ZNF253: variants seen among roughly 807,000 people sequenced by gnomAD.
ZNF253 encodes the protein zinc finger protein 253.
In ZNF253, 8 loss-of-function variants were observed where a neutral mutation model predicts 11.9. That is an observed-to-expected ratio of 0.67 (90% CI 0.40 to 1.22). The LOEUF (loss-of-function observed/expected upper bound fraction) is 1.22, where lower values mean the gene tolerates loss of function less well. Among genes scored for constraint, ZNF253 ranks in the 50% most tolerant of loss-of-function variants. The pLI, the probability that ZNF253 is intolerant of heterozygous loss-of-function variation, is 0.01. For synonymous variants in ZNF253, 194 were observed against 194.9 expected (o/e 1.00, Z 0.04); for missense variants, 485 against 586.9 (o/e 0.83, Z 1.79).
rs1568492536 is a variant in ZNF253 at position 19,865,953 on chromosome 19, TG to T, written c.-41del. 6.2e-7 allele frequency: 1 copy of T among 1,614,026 alleles called. No individual in the cohort carries two copies. The highest frequency in any genetic ancestry group is 1.7e-5 in the Admixed American group (1 of 60,022). On this transcript the variant is annotated 5_prime_UTR_variant, in exon 1 of 4. Coordinates refer to ENST00000589717, the MANE Select transcript of ZNF253 (RefSeq NM_021047.3). ...CTGTGGCCGTGTGACCTGCAAGTAT[TG>T]GGAGAGCCACAGCTAAACCCCGGGA...
At chr19:19,889,721 G>A (rs1456941985) in intron 3 of ZNF253, among the ~76,000 whole-genome samples, 2 of 151,968 alleles carry the variant, frequency 1.3e-5, no homozygotes, top group Non-Finnish European at 2.9e-5. Flanking sequence ...CTCACTGCAA[G>A]CTTCCCATCT....
chr19:19,886,776 C>G (rs2063207926), intron 3 of ZNF253, among the ~76,000 whole-genome samples: 1 of 152,144 alleles, frequency 6.6e-6, no homozygotes, highest in African/African-American at 2.4e-5. Flanking sequence ...AACCTTTTTT[C>G]TTTATAAATT....
At chr19:19,872,162 C>G (rs1828673917) in intron 1 of ZNF253, among the ~76,000 whole-genome samples, 1 of 152,152 alleles carries the variant, frequency 6.6e-6, no homozygotes, top group Non-Finnish European at 1.5e-5. Context: ...GAAACTGATT[C>G]AGACATCATG....
chr19:19,872,577 A>AT (rs982769461), intron 1 of ZNF253, among the ~76,000 whole-genome samples: 12 of 106,824 alleles, frequency 1.1e-4, no homozygotes, highest in South Asian at 2.5e-4. Context: ...ATATATATAT[A>AT]TATTATTATA....
Position 19,893,117 on chromosome 19 carries a change from A to G in ZNF253, c.*370A>G, listed in dbSNP as rs951639805. 1.1e-5 allele frequency: 2 copies of G among 189,234 alleles called. No individual in the cohort carries two copies. The highest frequency in any genetic ancestry group is 5.4e-5 in the Admixed American group (1 of 18,602). The allele number at this position is 189,234 out of a possible 1,614,324, so 11.7% of individuals were successfully genotyped here. A position where few individuals can be genotyped will look rare whatever the true frequency, so the allele number is the denominator to read the frequency against. On this transcript the variant is annotated 3_prime_UTR_variant, in exon 4 of 4. Coordinates refer to ENST00000589717, the MANE Select transcript of ZNF253 (RefSeq NM_021047.3). ...CTCAGCCTCCCAAGTAGCTGGGATT[A>G]CAGGTGCCCAACACCACGCCTGGCT...
intron 3 of ZNF253, among the ~76,000 whole-genome samples, chr19:19,883,599 A>C (rs2063186869): frequency 6.6e-6 from 1 of 152,208 alleles, no homozygotes; most frequent in African/African-American, 2.4e-5. Flanking sequence ...CATTTCAGGC[A>C]TGTTAAGTAT....
In ZNF253 at chr19:19,878,458, A is replaced by ATGTG. The variant is rs60758402; in HGVS notation, c.4-11_4-8dup. 176 of 1,597,796 alleles carry ATGTG rather than the reference A, an allele frequency of 1.1e-4. No homozygotes were observed. The African/African-American group carries it at 2.1e-3, about 19-fold the overall frequency. ...ATTCCTCTCATGCCATTTAGTAATT[A>ATGTG]TGTGTGTGTGTGTGTTTTCCAGGGA... is the stretch of plus-strand genomic sequence containing the variant. On this transcript the variant is annotated intron_variant, in intron 1 of 3. Coordinates refer to ENST00000589717, the MANE Select transcript of ZNF253 (RefSeq NM_021047.3).
At chr19:19,877,010 A>T (rs957120938) in intron 1 of ZNF253, among the ~76,000 whole-genome samples, 5 of 152,198 alleles carry the variant, frequency 3.3e-5, no homozygotes, top group African/African-American at 1.2e-4. Context: ...TGGCTGTTGA[A>T]CATGGAAAGA....
chr19:19,882,780 G>A (rs958973523), intron 3 of ZNF253, among the ~76,000 whole-genome samples: 1 of 151,642 alleles, frequency 6.6e-6, no homozygotes, highest in Admixed American at 6.6e-5. Context: ...GACCAGCCTG[G>A]CCAACATAGT....
chr19:19,892,458 C>G lies in ZNF253; in HGVS notation c.1211C>G (p.Thr404Ser), dbSNP rs2063236835. ...KPYKCDECGK[T>S]FTWPSILSKH... ...TACAAATGTGATGAATGTGGCAAAA[C>G]CTTTACCTGGCCCTCAATCCTCTCC... is the stretch of plus-strand genomic sequence containing the variant. Residue 404 changes from threonine to serine, a missense_variant, in exon 4 of 4, where the codon ACC becomes AGC. Around this residue, in one of 3 missense-constraint regions of ZNF253, gnomAD observed 232 missense variants for 321.4 expected, o/e 0.72. Coordinates refer to ENST00000589717, the MANE Select transcript of ZNF253 (RefSeq NM_021047.3). The G allele has an allele frequency of 1.2e-6, 2 of 1,613,768 alleles. No homozygotes were observed. The highest frequency in any genetic ancestry group is 1.7e-5 in the Admixed American group (1 of 59,966).
upstream of ZNF253, chr19:19,865,875 G>A: frequency 7.9e-7 from 1 of 1,267,810 alleles, no homozygotes; most frequent in Non-Finnish European, 1.2e-6. Flanking sequence ...TGCAGCGGGA[G>A]CTCCAGGTTT....
At chr19:19,888,589 C>A (rs2063216005) in intron 3 of ZNF253, among the ~76,000 whole-genome samples, 1 of 152,080 alleles carries the variant, frequency 6.6e-6, no homozygotes, top group African/African-American at 2.4e-5. Flanking sequence ...ACTTCAGTTG[C>A]ATGCAAACAT....
At chr19:19,870,202 G>A (rs1250913375) in intron 1 of ZNF253, among the ~76,000 whole-genome samples, 2 of 151,858 alleles carry the variant, frequency 1.3e-5, no homozygotes, top group African/African-American at 4.8e-5. Flanking sequence ...TTCGACACCA[G>A]CCTGACATGG....
At chr19:19,879,580 A>G (rs1173305487) in intron 2 of ZNF253, among the ~76,000 whole-genome samples, 1 of 152,192 alleles carries the variant, frequency 6.6e-6, no homozygotes, top group Non-Finnish European at 1.5e-5. Context: ...GAGCCTCTCC[A>G]CTTACATTTT....
At chr19:19,891,064 A>G (rs529768626) in intron 3 of ZNF253, among the ~76,000 whole-genome samples, 30 of 148,936 alleles carry the variant, frequency 2.0e-4, no homozygotes, top group Admixed American at 4.0e-4. Context: ...CTGGTCTTGA[A>G]CTCCCGACCT....
chr19:19,869,551 C>T (rs1371044447), intron 1 of ZNF253, among the ~76,000 whole-genome samples: 1 of 147,350 alleles, frequency 6.8e-6, no homozygotes, highest in Non-Finnish European at 1.5e-5. Flanking sequence ...AATAGAGATG[C>T]GGTTTTTCCA....
At chr19:19,867,315 A>C (rs1377988796) in intron 1 of ZNF253, among the ~76,000 whole-genome samples, 2 of 149,608 alleles carry the variant, frequency 1.3e-5, no homozygotes, top group African/African-American at 4.8e-5. Flanking sequence ...ATGGCCAGAG[A>C]GTATTCCATG....
At chr19:19,889,557 G>A (rs1392145905) in intron 3 of ZNF253, among the ~76,000 whole-genome samples, 1 of 152,112 alleles carries the variant, frequency 6.6e-6, no homozygotes, top group Non-Finnish European at 1.5e-5. Context: ...TGTTGGCCAG[G>A]CTGATCTTGA....
intron 1 of ZNF253, among the ~76,000 whole-genome samples, chr19:19,875,379 A>T (rs1466585790): frequency 7.0e-6 from 1 of 143,506 alleles, no homozygotes; most frequent in Non-Finnish European, 1.5e-5. Flanking sequence ...TTTTCTCTAA[A>T]CTACATTAAA....
Sources: allele counts gnomAD v4.1 joint callset (sites outside exome capture counted in the v4.1 genomes callset), GRCh38; gene constraint gnomAD v4.1.1; regional missense constraint gnomAD v4.1.1; transcripts MANE v1.5; gene names NCBI Gene and HGNC (gene_info 2026-07-23, HGNC 2026-07-21).